Variants in NUDT4 observed in about 807,000 individuals in gnomAD.
NUDT4 encodes diphosphoinositol polyphosphate phosphohydrolase 2.
NUDT4 carries 5 observed loss-of-function variants against 23.1 expected under a neutral mutation model. The ratio of observed to expected loss-of-function variants is 0.22; its 90% CI spans 0.11 to 0.46. The LOEUF is 0.46. Ranked by LOEUF, NUDT4 falls within the 20% of genes least tolerant of loss-of-function variation. The pLI, the probability that NUDT4 is intolerant of heterozygous loss-of-function variation, is 0.99. For missense variants in NUDT4, 96 were observed against 211.6 expected (o/e 0.45, Z 3.39); for synonymous variants, 50 against 79.0 (o/e 0.63, Z 1.95).
At chr12:93,395,638 C>A in intron 3 of NUDT4, 105 bp downstream of exon 3, 2 of 888,318 alleles carry the variant, frequency 2.3e-6, no homozygotes, top group Non-Finnish European at 3.8e-6. Flanking sequence ...TTCTCTCAGA[C>A]TAGCAGTAGG....
intron 3 of NUDT4, among the ~76,000 whole-genome samples, chr12:93,397,212 G>A (rs1876998533): frequency 6.6e-6 from 1 of 152,178 alleles, no homozygotes; most frequent in Admixed American, 6.5e-5. Context: ...TGTGAATATA[G>A]CATAATAAAT....
Position 93,401,603 on chromosome 12 carries a change from ATTGTTGTATAAT to A in NUDT4, c.*2227_*2238del. 1 of 152,828 alleles carries A rather than the reference ATTGTTGTATAAT, an allele frequency of 6.5e-6. No individual in the cohort carries two copies. Among genetic ancestry groups the A allele is most frequent in the African/African-American group, 2.4e-5 (1 of 41,604 alleles). 9.5% of individuals were successfully genotyped at this position (152,828 alleles called of 1,614,324 possible). A position where few individuals can be genotyped will look rare whatever the true frequency, so the allele number is the denominator to read the frequency against. The stretch of plus-strand genomic sequence containing the variant: ...ATCTCTTTAAAGTTAGCCTATAAAT[ATTGTTGTATAAT>A]TTTCTTTGGTCAGAAACACTTGGAC... On this transcript the variant is annotated 3_prime_UTR_variant, in exon 5 of 5. Coordinates refer to ENST00000415493, the MANE Select transcript of NUDT4 (RefSeq NM_019094.6).
intron 1 of NUDT4, among the ~76,000 whole-genome samples, chr12:93,391,394 A>G (rs4761709): frequency 0.5 from 75,381 of 151,440 alleles, 19,750 homozygotes; most frequent in African/African-American, 0.65. Context: ...GCGAAACCCC[A>G]TCTCTACTCA....
chr12:93,391,754 C>T (rs180724210), intron 1 of NUDT4, among the ~76,000 whole-genome samples: 1 of 152,162 alleles, frequency 6.6e-6, no homozygotes, highest in East Asian at 1.9e-4. Flanking sequence ...ATCATCATCT[C>T]TATGCACACT....
intron 1 of NUDT4, among the ~76,000 whole-genome samples, chr12:93,382,712 T>C (rs1199888445): frequency 7.2e-6 from 1 of 139,650 alleles, no homozygotes; most frequent in East Asian, 2.3e-4. Flanking sequence ...AGTCTCGCTC[T>C]GTCCTCCAGG....
At chr12:93,397,910 A>G (rs773033142) in intron 3 of NUDT4, among the ~76,000 whole-genome samples, 1 of 152,182 alleles carries the variant, frequency 6.6e-6, no homozygotes, top group Non-Finnish European at 1.5e-5. Context: ...CAAAGGTCCT[A>G]AAGGAAGCAG....
intron 1 of NUDT4, among the ~76,000 whole-genome samples, chr12:93,389,396 G>A (rs886485794): frequency 3.3e-5 from 5 of 151,482 alleles, no homozygotes; most frequent in Non-Finnish European, 7.4e-5. Flanking sequence ...CGCTTGAACC[G>A]GGGAGGCGGA....
Position 93,408,063 on chromosome 12 carries a change from G to T in NUDT4, c.*8684G>T, listed in dbSNP as rs376669439. The stretch of plus-strand genomic sequence containing the variant: ...ACAGATTTAAATCTGGAATTTCATG[G>T]TTTGTAAATCACTATGTGATACTAG... On this transcript the variant is annotated 3_prime_UTR_variant, in exon 5 of 5. Transcript: ENST00000415493. 2.6e-5 allele frequency: 4 copies of T among 152,304 alleles called. No individual in the cohort carries two copies. In the East Asian group the frequency reaches 7.7e-4, roughly 29 times the overall value. The allele number at this position is 152,304 out of a possible 1,614,324, so 9.4% of individuals were successfully genotyped here.
chr12:93,405,772 A>G lies in NUDT4; in HGVS notation c.*6393A>G, dbSNP rs1038466482. 1 of 152,236 alleles carries G rather than the reference A, an allele frequency of 6.6e-6. No individual in the cohort carries two copies. Among genetic ancestry groups the G allele is most frequent in the Non-Finnish European group, 1.5e-5 (1 of 68,046 alleles). 9.4% of individuals were successfully genotyped at this position (152,236 alleles called of 1,614,324 possible). On this transcript the variant is annotated 3_prime_UTR_variant, in exon 5 of 5. Transcript: ENST00000415493. ...TTTTGCTTTTTATGTTATTTAAAGT[A>G]TAAACCCTCATATAATTCCCTAAGA...
At chr12:93,396,257 C>G (rs1040326303) in intron 3 of NUDT4, among the ~76,000 whole-genome samples, 3 of 151,942 alleles carry the variant, frequency 2.0e-5, no homozygotes, top group Admixed American at 6.6e-5. Flanking sequence ...AAGGATTGTA[C>G]GAAGATATAA....
chr12:93,379,809 CT>C (rs1875525477), intron 1 of NUDT4, among the ~76,000 whole-genome samples: 1 of 152,108 alleles, frequency 6.6e-6, no homozygotes, highest in Non-Finnish European at 1.5e-5. Flanking sequence ...AAGATAAAGC[CT>C]TAGCGGAAAG....
intron 1 of NUDT4, among the ~76,000 whole-genome samples, chr12:93,384,174 G>A (rs985728160): frequency 6.6e-5 from 10 of 151,826 alleles, no homozygotes; most frequent in African/African-American, 2.4e-4. Context: ...ATAGATCAGG[G>A]GTGCCCAAGC....
In NUDT4 at chr12:93,401,829, TTC is replaced by T. The variant is rs1316995353; in HGVS notation, c.*2452_*2453del. 2 of 141,526 alleles carry T rather than the reference TTC, an allele frequency of 1.4e-5. No individual in the cohort carries two copies. Among genetic ancestry groups the T allele is most frequent in the Admixed American group, 7.4e-5 (1 of 13,576 alleles). 8.8% of individuals were successfully genotyped at this position (141,526 alleles called of 1,614,324 possible). On this transcript the variant is annotated 3_prime_UTR_variant, in exon 5 of 5. Transcript: ENST00000415493. Reference sequence around the variant, plus strand: ...GAGGAAAGGCCCTAGGGAGATTTATTTCTGTTAAATAGTTAACTCTGCTGAGT... The same window carrying T: ...GAGGAAAGGCCCTAGGGAGATTTATTTGTTAAATAGTTAACTCTGCTGAGT...
intron 1 of NUDT4, among the ~76,000 whole-genome samples, chr12:93,392,388 T>C (rs1204197108): frequency 6.6e-6 from 1 of 150,666 alleles, no homozygotes; most frequent in Non-Finnish European, 1.5e-5. Context: ...CCTAAGTAGC[T>C]GGGATTACAG....
chr12:93,408,107 T>C lies in NUDT4; in HGVS notation c.*8728T>C, dbSNP rs1188405939. The C allele has an allele frequency of 1.3e-5, 2 of 152,236 alleles. No individual in the cohort carries two copies. Among genetic ancestry groups the C allele is most frequent in the South Asian group, 2.1e-4 (1 of 4,832 alleles). The allele number at this position is 152,236 out of a possible 1,614,324, so 9.4% of individuals were successfully genotyped here. A position where few individuals can be genotyped will look rare whatever the true frequency, so the allele number is the denominator to read the frequency against. On this transcript the variant is annotated 3_prime_UTR_variant, in exon 5 of 5. Transcript: ENST00000415493. ...ATACTAGCTATAACCATGAGCAATA[T>C]TACGGGCAGTAAATGTTGATTTCTA...
rs1412142492 is a variant in NUDT4, at chr12:93,401,487, G to GA, written c.*2109dup. ...GCCCATCTTGTACATGATATTCTTAGAGGTAATAAGGTAATGATGCATGAA... is the reference window on the plus strand; with the variant it reads ...GCCCATCTTGTACATGATATTCTTAGAAGGTAATAAGGTAATGATGCATGAA... On this transcript the variant is annotated 3_prime_UTR_variant, in exon 5 of 5. Transcript: ENST00000415493. The GA allele has an allele frequency of 2.0e-5, 3 of 148,154 alleles. No homozygotes were observed. Among genetic ancestry groups the GA allele is most frequent in the Non-Finnish European group, 4.5e-5 (3 of 66,464 alleles). 9.2% of individuals were successfully genotyped at this position (148,154 alleles called of 1,614,324 possible).
intron 1 of NUDT4, among the ~76,000 whole-genome samples, chr12:93,392,912 C>T (rs1366353548): frequency 4.4e-5 from 6 of 135,834 alleles, no homozygotes; most frequent in Non-Finnish European, 4.7e-5. Context: ...AACTCCTGAC[C>T]TCAGGTGATC....
At chr12:93,380,971 A>G (rs1012255728) in intron 1 of NUDT4, 3 of 152,226 alleles carry the variant, frequency 2.0e-5, no homozygotes, top group African/African-American at 7.2e-5. Flanking sequence ...AGTAATTGCA[A>G]TTTGACCCCA....
rs1212820960 is a variant in NUDT4, at chr12:93,402,227, A to G, written c.*2848A>G. On this transcript the variant is annotated 3_prime_UTR_variant, in exon 5 of 5. Transcript: ENST00000415493. ...CTCATTTGAGATAATTGATGTAAGA[A>G]TCCTGACTTTTTTATATTTGGAAAC... The G allele has an allele frequency of 4.6e-5, 7 of 152,314 alleles. No homozygotes were observed. The highest frequency in any genetic ancestry group is 3.9e-4 in the Admixed American group (6 of 15,290). The allele number at this position is 152,314 out of a possible 1,614,324, so 9.4% of individuals were successfully genotyped here.
Sources: gnomAD v4.1 joint callset for allele counts (sites outside exome capture counted in the v4.1 genomes callset) on GRCh38, gnomAD v4.1.1 for gene constraint, MANE v1.5 for transcripts, NCBI Gene and HGNC (gene_info 2026-07-23, HGNC 2026-07-21) for gene names.